DEK: variants seen among roughly 807,000 people sequenced by gnomAD.
DEK encodes the protein protein DEK.
In DEK, 28 loss-of-function variants were observed where a neutral mutation model predicts 46.8. The ratio of observed to expected loss-of-function variants is 0.60; its 90% CI spans 0.44 to 0.82. DEK has a LOEUF of 0.82. Among genes scored for constraint, DEK ranks in the 40% least tolerant of loss-of-function variants. The pLI is 0.00. For missense variants in DEK, 416 were observed against 430.6 expected (o/e 0.97, Z 0.30); for synonymous variants, 160 against 144.5 (o/e 1.11, Z -0.77).
In DEK at chr6:18,263,924, C is replaced by G. The variant is rs760134527; in HGVS notation, c.64G>C (p.Glu22Gln). The stretch of plus-strand genomic sequence containing the variant: ...TCTCTGGGACCGGGCATTTCGGGTT[C>G]TTTCTCGGACGCGGGCTGGGTGGGG... ...GTPTQPASEK[E>Q]PEMPGPREES... is the part of the protein sequence containing the mutation. The change falls in exon 2 of 11, where the codon GAA becomes CAA. Residue 22 changes from glutamate (E) to glutamine (Q), a missense_variant. By Grantham distance (29) the Glu-to-Gln change is conservative (BLOSUM62 2). Coordinates refer to ENST00000652689, the MANE Select transcript of DEK (RefSeq NM_003472.4). The G allele has an allele frequency of 6.2e-7, 1 of 1,612,714 alleles. No individual in the cohort carries two copies.
At chr6:18,252,813 G>A (rs1019041061) in intron 6 of DEK, among the ~76,000 whole-genome samples, 1 of 152,144 alleles carries the variant, frequency 6.6e-6, no homozygotes. Context: ...TAAAATTGAT[G>A]GCACCTTAGT....
At chr6:18,263,796 A>C (rs1208840676) in intron 2 of DEK, 47 bp downstream of exon 2, 9 of 1,610,266 alleles carry the variant, frequency 5.6e-6, no homozygotes, top group East Asian at 2.2e-5. Context: ...AAATACAAAA[A>C]AACTTCGGTC....
At chr6:18,230,952 T>C (rs1164852995) in intron 9 of DEK, among the ~76,000 whole-genome samples, 1 of 152,168 alleles carries the variant, frequency 6.6e-6, no homozygotes, top group Non-Finnish European at 1.5e-5. Flanking sequence ...TCGCACTTAT[T>C]CCAAAATTGA....
rs563640642 is a variant in DEK, at chr6:18,224,801, G to A, written c.*918C>T. On this transcript the variant is annotated 3_prime_UTR_variant, in exon 11 of 11. Transcript: ENST00000652689. ...TCAGTTCATTTACTGTAAGCCAAAT[G>A]TGCTTGTACTTAATCCCACCCTTTC... 122 of 212,432 alleles carry A rather than the reference G, an allele frequency of 5.7e-4. No homozygotes were observed. Among genetic ancestry groups the A allele is most frequent in the African/African-American group, 1.4e-3 (61 of 44,266 alleles). 13.2% of individuals were successfully genotyped at this position (212,432 alleles called of 1,614,324 possible).
intron 2 of DEK, among the ~76,000 whole-genome samples, chr6:18,260,985 C>CAA (rs780634683): frequency 0.053 from 4,153 of 77,852 alleles, 162 homozygotes; most frequent in African/African-American, 0.15. Context: ...ACCTTGTCTC[C>CAA]AAAAAAAAAA....
chr6:18,256,265 G>A (rs549443669), intron 5 of DEK, 96 bp downstream of exon 5: 22 of 1,071,294 alleles, frequency 2.1e-5, no homozygotes, highest in South Asian at 2.0e-4. Context: ...GGGATTACAG[G>A]TGTGAGCCAC....
chr6:18,241,175 G>C (rs1295042055), intron 7 of DEK, among the ~76,000 whole-genome samples: 1 of 152,102 alleles, frequency 6.6e-6, no homozygotes, highest in African/African-American at 2.4e-5. Flanking sequence ...AGGTTATTAG[G>C]TATAGGAGGA....
chr6:18,225,856 C>T (rs2151074845), intron 10 of DEK, 126 bp from the exon 11 acceptor site: 2 of 1,143,968 alleles, frequency 1.7e-6, no homozygotes, highest in Non-Finnish European at 1.3e-6. Flanking sequence ...CAGCTACCTG[C>T]TGATCTTCCC....
intron 2 of DEK, among the ~76,000 whole-genome samples, chr6:18,259,394 C>CAAAAAAAAAAA (rs56704006): frequency 1.7e-4 from 7 of 41,482 alleles, no homozygotes; most frequent in Admixed American, 3.4e-4. Context: ...GACTCCGTCT[C>CAAAAAAAAAAA]AAAAAAAAAA....
At position 18,224,335 on chromosome 6, in the gene DEK, AC is replaced by A. The variant is rs1178416811; in HGVS notation, c.*1383del. On this transcript the variant is annotated 3_prime_UTR_variant, in exon 11 of 11. Transcript: ENST00000652689. ...TATCAAGAAACAAACCTGTGAAAAT[AC>A]CTGTTAACATTCAACATATATTTTT... 1 of 184,686 alleles carries A rather than the reference AC, an allele frequency of 5.4e-6. No homozygotes were observed. The highest frequency in any genetic ancestry group is 1.1e-5 in the Non-Finnish European group (1 of 87,234). 11.4% of individuals were successfully genotyped at this position (184,686 alleles called of 1,614,324 possible).
chr6:18,255,622 T>G, intron 6 of DEK, 109 bp downstream of exon 6: 1 of 1,279,246 alleles, frequency 7.8e-7, no homozygotes, highest in Non-Finnish European at 1.1e-6. Flanking sequence ...AGTCTTTGAA[T>G]GTAGATATGA....
At chr6:18,234,955 C>T (rs148063683) in intron 9 of DEK, among the ~76,000 whole-genome samples, 68 of 152,238 alleles carry the variant, frequency 4.5e-4, no homozygotes, top group African/African-American at 1.6e-3. Flanking sequence ...CAGGTCAGTT[C>T]CTTCTCACCT....
At chr6:18,248,340 C>A (rs1791216193) in intron 7 of DEK, among the ~76,000 whole-genome samples, 1 of 152,098 alleles carries the variant, frequency 6.6e-6, no homozygotes, top group South Asian at 2.1e-4. Context: ...TTTAACTCTG[C>A]CCATAAAGAG....
chr6:18,231,732 A>G (rs534483615), intron 9 of DEK, among the ~76,000 whole-genome samples: 25 of 152,354 alleles, frequency 1.6e-4, no homozygotes, highest in African/African-American at 6.0e-4. Flanking sequence ...ACAGCCTACC[A>G]ACCAAAAAAA....
In DEK at chr6:18,236,444, C is replaced by G. The variant is rs1790651713; in HGVS notation, c.1047+8G>C. 6.2e-7 allele frequency: 1 copy of G among 1,608,602 alleles called. No homozygotes were observed. The highest frequency in any genetic ancestry group is 8.5e-7 in the Non-Finnish European group (1 of 1,178,414). On this transcript the variant is annotated splice_region_variant and intron_variant, in intron 9 of 10. Transcript: ENST00000652689. Reference sequence around the variant, plus strand: ...AAAGCAAAATAATCTAAACATTTGTCTAATTACCTTTTTGCAAATCTGTTT... The same window carrying G: ...AAAGCAAAATAATCTAAACATTTGTGTAATTACCTTTTTGCAAATCTGTTT...
At chr6:18,256,816 G>C (rs1214275879) in intron 4 of DEK, among the ~76,000 whole-genome samples, 1 of 152,116 alleles carries the variant, frequency 6.6e-6, no homozygotes, top group Non-Finnish European at 1.5e-5. Flanking sequence ...AAGTAATAAA[G>C]TTACTAGTAA....
At chr6:18,232,750 T>C (rs142334325) in intron 9 of DEK, among the ~76,000 whole-genome samples, 2,850 of 152,196 alleles carry the variant, frequency 0.019, 29 homozygotes, top group South Asian at 0.022. Flanking sequence ...TGCTCAAGGA[T>C]TGGAAGAATC....
intron 7 of DEK, 51 bp from the exon 8 acceptor site, chr6:18,237,567 C>G: frequency 6.5e-7 from 1 of 1,543,470 alleles, no homozygotes. Flanking sequence ...TCAATGCTAT[C>G]CCATCCCATC....
chr6:18,226,364 C>G (rs1790124748), intron 9 of DEK, 122 bp from the exon 10 acceptor site: 1 of 787,806 alleles, frequency 1.3e-6, no homozygotes, highest in Non-Finnish European at 1.8e-6. Context: ...CAACAGTACT[C>G]TGGTTAACCC....
Sources: gnomAD v4.1 joint callset for allele counts (sites outside exome capture counted in the v4.1 genomes callset) on GRCh38, gnomAD v4.1.1 for gene constraint, MANE v1.5 for transcripts, NCBI Gene and HGNC (gene_info 2026-07-23, HGNC 2026-07-21) for gene names.